The following PYM1 variants were observed in gnomAD, a reference collection of about 807,000 sequenced individuals.
PYM1 encodes the protein partner of Y14 and mago.
A neutral mutation model predicts 20.7 loss-of-function variants in PYM1; 7 were observed. That is an observed-to-expected ratio of 0.34 (90% CI 0.19 to 0.64). PYM1 has a LOEUF of 0.64. PYM1 is among the 30% of genes least tolerant of loss of function. The probability of loss-of-function intolerance (pLI) is 0.74; values close to 1 mark genes in which losing one functional copy is unlikely to be tolerated. For synonymous variants in PYM1, 100 were observed against 99.2 expected (o/e 1.01, Z -0.05); for missense variants, 194 against 250.0 (o/e 0.78, Z 1.51).
intron 2 of PYM1, among the ~76,000 whole-genome samples, chr12:55,902,635 G>A (rs112244905): frequency 7.9e-5 from 12 of 151,472 alleles, no homozygotes; most frequent in Admixed American, 7.2e-4. Flanking sequence ...CTGCCACCAC[G>A]CCTGGCTAAC....
At chr12:55,905,328 G>T (rs905177797) in intron 1 of PYM1, among the ~76,000 whole-genome samples, 2 of 151,802 alleles carry the variant, frequency 1.3e-5, no homozygotes, top group South Asian at 2.1e-4. Context: ...ATATTTAAAA[G>T]AGATCATATT....
At chr12:55,923,670 G>C (rs761658445) in intron 1 of PYM1, among the ~76,000 whole-genome samples, 18 of 151,958 alleles carry the variant, frequency 1.2e-4, no homozygotes, top group Non-Finnish European at 2.1e-4. Context: ...ATTAACGTAA[G>C]ATGACAGTAA....
chr12:55,925,564 C>T (rs1328064308), intron 1 of PYM1, among the ~76,000 whole-genome samples: 4 of 152,104 alleles, frequency 2.6e-5, no homozygotes, highest in Non-Finnish European at 5.9e-5. Flanking sequence ...AAATATGATG[C>T]AATAGGTCTG....
chr12:55,903,449 G>A lies in PYM1; in HGVS notation c.69C>T (p.Asp23=), dbSNP rs774820275. The A allele has an allele frequency of 4.0e-5, 64 of 1,613,880 alleles. No homozygotes were observed. The highest frequency in any genetic ancestry group is 8.0e-5 in the African/African-American group (6 of 74,868). Residue 23 remains aspartate, a synonymous_variant, in exon 2 of 3, where the codon GAC becomes GAT. Coordinates refer to ENST00000408946, the MANE Select transcript of PYM1 (RefSeq NM_032345.3). ...GKYIASTQRP[D]GTWRKQRRVK... is the part of the protein sequence containing the mutation. ...CCCTCCGCTGCTTGCGCCAGGTCCC[G>A]TCAGGTCGCTGTGTTGACGCGATAT...
rs994798713 is a variant in PYM1 at position 55,901,775 on chromosome 12, G to C, written c.*97C>G. On this transcript the variant is annotated 3_prime_UTR_variant, in exon 3 of 3. Coordinates refer to ENST00000408946, the MANE Select transcript of PYM1 (RefSeq NM_032345.3). ...GCAGGAGGTGGAAGTAAGCCAGTAT[G>C]GGGGGTACCCCTCCTGACTGCTGTT... The C allele has an allele frequency of 3.0e-5, 44 of 1,488,112 alleles. No homozygotes were observed. Among genetic ancestry groups the C allele is most frequent in the Non-Finnish European group, 3.7e-5 (41 of 1,115,132 alleles). The allele number at this position is 1,488,112 out of a possible 1,614,324, so 92.2% of individuals were successfully genotyped here.
chr12:55,909,903 C>A (rs1882890021), intron 1 of PYM1, among the ~76,000 whole-genome samples: 1 of 152,038 alleles, frequency 6.6e-6, no homozygotes. Context: ...TAAGCATTAT[C>A]AATAAATAGC....
intron 1 of PYM1, among the ~76,000 whole-genome samples, chr12:55,905,905 A>AGATATATATATTATATATATCTAT (rs1565714469): frequency 4.6e-5 from 3 of 65,922 alleles, no homozygotes; most frequent in South Asian, 4.4e-4. Context: ...TATATATCTA[A>AGATATATATATTATATATATCTAT]TAGATATATA....
At chr12:55,910,239 G>T (rs1882895950) in intron 1 of PYM1, among the ~76,000 whole-genome samples, 1 of 148,244 alleles carries the variant, frequency 6.7e-6, no homozygotes. Flanking sequence ...TTGAGGTACG[G>T]CTTGGTTTTA....
At chr12:55,917,918 C>G (rs1165730486) in intron 1 of PYM1, among the ~76,000 whole-genome samples, 1 of 151,876 alleles carries the variant, frequency 6.6e-6, no homozygotes, top group Non-Finnish European at 1.5e-5. Context: ...CAAGATCACA[C>G]CACTGAACTC....
chr12:55,922,411 A>C (rs535671189), intron 1 of PYM1, among the ~76,000 whole-genome samples: 48 of 148,108 alleles, frequency 3.2e-4, no homozygotes, highest in Non-Finnish European at 6.5e-4. Context: ...GGAGTTCAAG[A>C]CCAGCCCAGG....
At chr12:55,916,877 G>A (rs1286882042) in intron 1 of PYM1, among the ~76,000 whole-genome samples, 2 of 152,142 alleles carry the variant, frequency 1.3e-5, no homozygotes, top group African/African-American at 4.8e-5. Context: ...TTGGGAGGCT[G>A]AGGCAGGCAG....
chr12:55,902,422 T>C (rs1398500131), intron 2 of PYM1, 67 bp from the exon 3 acceptor site: 9 of 1,523,748 alleles, frequency 5.9e-6, no homozygotes, highest in Non-Finnish European at 7.9e-6. Flanking sequence ...TTTCTTAAAC[T>C]TCCAAACACT....
In PYM1 at chr12:55,902,597, C is replaced by T. The variant is rs190242192; in HGVS notation, c.132-242G>A. Among the ~76,000 whole-genome samples, 550 of 152,048 alleles carry T rather than the reference C, an allele frequency of 3.6e-3. 3 individuals are homozygous for T. The highest frequency in any genetic ancestry group is 0.01 in the Middle Eastern group (3 of 292). On this transcript the variant is annotated intron_variant, in intron 2 of 2. Coordinates refer to ENST00000408946, the MANE Select transcript of PYM1 (RefSeq NM_032345.3). ...GGTTCAAGCAATTCTCCTGCCTCAGCCTCCCGGGTAGCTGGGATTACAGGC... is the reference window on the plus strand; with the variant it reads ...GGTTCAAGCAATTCTCCTGCCTCAGTCTCCCGGGTAGCTGGGATTACAGGC...
At chr12:55,905,063 G>A (rs922747031) in intron 1 of PYM1, among the ~76,000 whole-genome samples, 7 of 151,406 alleles carry the variant, frequency 4.6e-5, no homozygotes, top group Non-Finnish European at 7.4e-5. Context: ...GTGCAGTGGC[G>A]CAATCTCGGC....
intron 1 of PYM1, among the ~76,000 whole-genome samples, chr12:55,905,912 T>G (rs1248909867): frequency 8.7e-6 from 1 of 115,514 alleles, no homozygotes; most frequent in Non-Finnish European, 1.7e-5. Flanking sequence ...CTAATAGATA[T>G]ATATATTATT....
chr12:55,901,678 C>T lies in PYM1; in HGVS notation c.*194G>A. 1.3e-6 allele frequency: 1 copy of T among 794,230 alleles called. No homozygotes were observed. The highest frequency in any genetic ancestry group is 1.9e-6 in the Non-Finnish European group (1 of 524,662). The allele number at this position is 794,230 out of a possible 1,614,324, so 49.2% of individuals were successfully genotyped here. The stretch of plus-strand genomic sequence containing the variant: ...CACTGGGAATGGGAGGGGGAAAGTC[C>T]AAAAAGTAGAAGTTGGGAAGAAAAG... On this transcript the variant is annotated 3_prime_UTR_variant, in exon 3 of 3. Transcript: ENST00000408946.
At chr12:55,916,829 G>A (rs538255850) in intron 1 of PYM1, among the ~76,000 whole-genome samples, 1 of 151,962 alleles carries the variant, frequency 6.6e-6, no homozygotes, top group Admixed American at 6.6e-5. Flanking sequence ...AGTAGTCTGA[G>A]GTTGGGCGTG....
At chr12:55,908,320 T>C (rs979266615) in intron 1 of PYM1, among the ~76,000 whole-genome samples, 5 of 151,242 alleles carry the variant, frequency 3.3e-5, no homozygotes, top group African/African-American at 9.7e-5. Flanking sequence ...TCCCAGCTAC[T>C]GGGGACGCAG....
chr12:55,919,204 A>G (rs2625146), intron 1 of PYM1, among the ~76,000 whole-genome samples: 5,836 of 152,188 alleles, frequency 0.038, 380 homozygotes, highest in African/African-American at 0.13. Context: ...CTGGAGTGCA[A>G]TAGCTGGACC....
Sources: allele counts gnomAD v4.1 joint callset (sites outside exome capture counted in the v4.1 genomes callset), GRCh38; gene constraint gnomAD v4.1.1; transcripts MANE v1.5; gene names NCBI Gene and HGNC (gene_info 2026-07-23, HGNC 2026-07-21).